The following MAGED1 variants were observed in gnomAD, a reference collection of about 807,000 sequenced individuals.
MAGED1 encodes MAGE family member D1.
In MAGED1, 3 loss-of-function variants were observed where a neutral mutation model predicts 54.1. The ratio of observed to expected loss-of-function variants is 0.06; its 90% confidence interval spans 0.03 to 0.14. MAGED1 has a LOEUF of 0.14. Ranked by LOEUF, MAGED1 falls within the 10% of genes least tolerant of loss-of-function variation. The pLI is 1.00. For missense variants in MAGED1, 485 were observed against 623.4 expected (o/e 0.78, Z 2.36); for synonymous variants, 217 against 227.3 (o/e 0.95, Z 0.41).
chrX:51,858,416 T>C (rs928894944), intron 1 of MAGED1, among the ~76,000 whole-genome samples: 1 of 112,419 alleles, frequency 8.9e-6, no homozygotes, highest in Non-Finnish European at 1.9e-5. Flanking sequence ...AGTTTTGGAA[T>C]TAGAGACTCT....
At chrX:51,871,590 A>G (rs1927677973) in intron 1 of MAGED1, among the ~76,000 whole-genome samples, 1 of 111,454 alleles carries the variant, frequency 9.0e-6, no homozygotes, top group Admixed American at 9.5e-5. Context: ...TGTCCCTACA[A>G]AGGACATGAA....
chrX:51,826,832 A>G (rs1433073916), intron 1 of MAGED1, among the ~76,000 whole-genome samples: 2 of 112,445 alleles, frequency 1.8e-5, no homozygotes, highest in Non-Finnish European at 3.8e-5. Context: ...GTTTCTTACA[A>G]AACTAAATGT....
intron 1 of MAGED1, among the ~76,000 whole-genome samples, chrX:51,826,471 T>G (rs181080163): frequency 8.9e-6 from 1 of 112,024 alleles, no homozygotes; most frequent in African/African-American, 3.2e-5. Context: ...CAGCACCATT[T>G]TTTTTGGCAA....
intron 1 of MAGED1, among the ~76,000 whole-genome samples, chrX:51,831,171 T>C (rs2146964025): frequency 8.9e-6 from 1 of 112,639 alleles, no homozygotes; most frequent in South Asian, 3.7e-4. Flanking sequence ...TGGTGTTTTA[T>C]ATATGATAAC....
At chrX:51,816,037 C>T (rs1176546241) in intron 1 of MAGED1, among the ~76,000 whole-genome samples, 1 of 111,062 alleles carries the variant, frequency 9.0e-6, no homozygotes, top group African/African-American at 3.3e-5. Context: ...ACCACTCATT[C>T]ACTGACCCAC....
At chrX:51,886,926 C>T (rs1352093730) in intron 1 of MAGED1, among the ~76,000 whole-genome samples, 2 of 109,815 alleles carry the variant, frequency 1.8e-5, no homozygotes, top group Non-Finnish European at 1.9e-5. Flanking sequence ...CATGGTGTCA[C>T]GCACCTGTGG....
intron 1 of MAGED1, among the ~76,000 whole-genome samples, chrX:51,858,878 G>C (rs375841243): frequency 2.7e-5 from 3 of 112,002 alleles, no homozygotes. Flanking sequence ...AGAGGAACTT[G>C]AATTTGAAAT....
chrX:51,846,712 G>A (rs1557359299), intron 1 of MAGED1, among the ~76,000 whole-genome samples: 1 of 111,175 alleles, frequency 9.0e-6, no homozygotes, highest in Non-Finnish European at 1.9e-5. Flanking sequence ...GCCGGAGCAG[G>A]TGGAAGAGAG....
chrX:51,831,300 T>C, intron 1 of MAGED1, among the ~76,000 whole-genome samples: 1 of 112,442 alleles, frequency 8.9e-6, no homozygotes, highest in Non-Finnish European at 1.9e-5. Context: ...CAAAAAATAT[T>C]GGCAATAAAT....
At chrX:51,881,445 C>T (rs781863141) in intron 1 of MAGED1, among the ~76,000 whole-genome samples, 15 of 102,599 alleles carry the variant, frequency 1.5e-4, no homozygotes, top group South Asian at 8.9e-4. Flanking sequence ...GATGGAGTTT[C>T]GCTCTCGTTG....
intron 1 of MAGED1, among the ~76,000 whole-genome samples, chrX:51,877,345 T>C (rs782688920): frequency 9.0e-6 from 1 of 111,718 alleles, no homozygotes; most frequent in East Asian, 2.8e-4. Flanking sequence ...TGTCATTTTG[T>C]CTGTCAAAAT....
At chrX:51,861,662 T>C (rs1217966977) in intron 1 of MAGED1, among the ~76,000 whole-genome samples, 1 of 111,748 alleles carries the variant, frequency 8.9e-6, no homozygotes, top group African/African-American at 3.3e-5. Context: ...TCTAGAGTTA[T>C]AATTCCCTTT....
intron 1 of MAGED1, among the ~76,000 whole-genome samples, chrX:51,881,335 C>T (rs894202457): frequency 2.5e-4 from 28 of 111,375 alleles, no homozygotes; most frequent in Admixed American, 2.1e-3. Flanking sequence ...CCATACCACC[C>T]CTCTATCTAC....
rs782292105 is a variant in MAGED1 at position 51,816,384 on chromosome X, G to A, written c.-37+13267G>A. Among the ~76,000 whole-genome samples, 535 of 111,227 alleles carry A rather than the reference G, an allele frequency of 4.8e-3. 5 individuals carry two copies. The highest frequency in any genetic ancestry group is 0.016 in the African/African-American group (504 of 30,660). On this transcript the variant is annotated intron_variant, in intron 1 of 12. Transcript: ENST00000375772. ...CCTGCCTGTGCCTCCCAAAGTGCTG[G>A]GATTACAAGCGTGAGCCACCGCGCC... is the stretch of plus-strand genomic sequence containing the variant.
At chrX:51,894,693 T>C (rs1557363941) in intron 2 of MAGED1, 3 of 1,176,766 alleles carry the variant, frequency 2.5e-6, no homozygotes, top group Non-Finnish European at 3.4e-6. Context: ...CCTCCCTCTT[T>C]CTGCATTCCC....
At chrX:51,845,326 G>T (rs1240920188) in intron 1 of MAGED1, among the ~76,000 whole-genome samples, 1 of 112,033 alleles carries the variant, frequency 8.9e-6, no homozygotes, top group East Asian at 2.8e-4. Flanking sequence ...GAAAAAGAAT[G>T]ACTCTGAAGG....
At chrX:51,880,934 C>T (rs146663663) in intron 1 of MAGED1, among the ~76,000 whole-genome samples, 130 of 110,660 alleles carry the variant, frequency 1.2e-3, no homozygotes, top group African/African-American at 4.0e-3. Context: ...ATTTTTCATC[C>T]CTCCTTATCT....
In MAGED1 at chrX:51,886,945, A is replaced by G. The variant is rs782727631; in HGVS notation, c.-36-7324A>G. Among the ~76,000 whole-genome samples the G allele has an allele frequency of 6.3e-5, 7 of 110,352 alleles. No individual in the cohort carries two copies. In the South Asian group the frequency reaches 1.6e-3, roughly 25 times the overall value. Reference sequence around the variant, plus strand: ...GTGTCACGCACCTGTGGTCCCAGCTACTTGGGAGGCTGAAGTGGGAGGATC... The same window carrying G: ...GTGTCACGCACCTGTGGTCCCAGCTGCTTGGGAGGCTGAAGTGGGAGGATC... On this transcript the variant is annotated intron_variant, in intron 1 of 12. Coordinates refer to the MAGED1 transcript ENST00000375772.
At chrX:51,894,421 T>C in intron 2 of MAGED1, 72 bp downstream of exon 2, 1 of 1,016,722 alleles carries the variant, frequency 9.8e-7, no homozygotes, top group Non-Finnish European at 1.4e-6. Flanking sequence ...CTCTTTGGTC[T>C]CCCAAACGCC....
Sources: gnomAD v4.1 joint callset for allele counts (sites outside exome capture counted in the v4.1 genomes callset) on GRCh38, gnomAD v4.1.1 for gene constraint, MANE v1.5 for transcripts, NCBI Gene and HGNC (gene_info 2026-07-23, HGNC 2026-07-21) for gene names.